The following ZSWIM6 variants were observed in gnomAD, a reference collection of about 807,000 sequenced individuals.
ZSWIM6 encodes the protein zinc finger SWIM-type containing 6.
In ZSWIM6, 9 loss-of-function variants were observed where a neutral mutation model predicts 113.2. The ratio of observed to expected loss-of-function variants is 0.08; its 90% confidence interval spans 0.05 to 0.14. The LOEUF (loss-of-function observed/expected upper bound fraction) is 0.14, where lower values mean the gene tolerates loss of function less well. ZSWIM6 is among the 10% of genes least tolerant of loss of function. The probability of loss-of-function intolerance (pLI) is 1.00; values close to 1 mark genes in which losing one functional copy is unlikely to be tolerated. For synonymous variants in ZSWIM6, 611 were observed against 606.5 expected (o/e 1.01, Z -0.11); for missense variants, 1,162 against 1,552.2 (o/e 0.75, Z 4.22).
At chr5:61,382,925 G>A (rs979065077) in intron 1 of ZSWIM6, among the ~76,000 whole-genome samples, 1 of 152,164 alleles carries the variant, frequency 6.6e-6, no homozygotes, top group Non-Finnish European at 1.5e-5. Flanking sequence ...CAGAATGTCC[G>A]CAAAGTCAGA....
chr5:61,474,278 A>G (rs1334204901), intron 2 of ZSWIM6, among the ~76,000 whole-genome samples: 1 of 152,250 alleles, frequency 6.6e-6, no homozygotes, highest in Non-Finnish European at 1.5e-5. Flanking sequence ...TCTTTCACTC[A>G]GAATCATGTT....
chr5:61,470,141 T>G (rs200730538), intron 1 of ZSWIM6, among the ~76,000 whole-genome samples: 1 of 152,126 alleles, frequency 6.6e-6, no homozygotes, highest in Non-Finnish European at 1.5e-5. Context: ...CTTCAAGGTG[T>G]GGGGATGGGG....
chr5:61,473,835 A>G (rs1747640988), intron 2 of ZSWIM6, among the ~76,000 whole-genome samples: 1 of 152,176 alleles, frequency 6.6e-6, no homozygotes, highest in Non-Finnish European at 1.5e-5. Context: ...ACATTTCTTT[A>G]TTTATATTGA....
intron 4 of ZSWIM6, among the ~76,000 whole-genome samples, chr5:61,514,892 T>C (rs1748889260): frequency 6.6e-6 from 1 of 152,168 alleles, no homozygotes; most frequent in African/African-American, 2.4e-5. Context: ...CCTCATACAG[T>C]GGGAACCCTT....
intron 1 of ZSWIM6, among the ~76,000 whole-genome samples, chr5:61,410,418 T>G (rs1746131125): frequency 6.6e-6 from 1 of 150,684 alleles, no homozygotes; most frequent in Admixed American, 6.6e-5. Context: ...CAGGCGATTC[T>G]CCTGCCTCAG....
chr5:61,418,544 C>T (rs1746298498), intron 1 of ZSWIM6, among the ~76,000 whole-genome samples: 1 of 152,110 alleles, frequency 6.6e-6, no homozygotes, highest in Non-Finnish European at 1.5e-5. Context: ...CAGGTGTGAG[C>T]CACTGTGCCC....
At chr5:61,446,136 C>T (rs1204225357) in intron 1 of ZSWIM6, among the ~76,000 whole-genome samples, 1 of 152,284 alleles carries the variant, frequency 6.6e-6, no homozygotes, top group African/African-American at 2.4e-5. Context: ...AAGTGATTCT[C>T]CTGCCTCAGC....
intron 1 of ZSWIM6, among the ~76,000 whole-genome samples, chr5:61,353,634 T>A (rs773366031): frequency 6.6e-6 from 1 of 152,198 alleles, no homozygotes; most frequent in Non-Finnish European, 1.5e-5. Context: ...TAAGTAGTAA[T>A]GGATGTGTAA....
intron 1 of ZSWIM6, among the ~76,000 whole-genome samples, chr5:61,334,501 T>A (rs77007669): frequency 6.6e-6 from 1 of 152,200 alleles, no homozygotes; most frequent in Non-Finnish European, 1.5e-5. Flanking sequence ...CTTTTATCCT[T>A]CTTTTCTTTG....
At chr5:61,480,639 G>C (rs1365153739) in intron 2 of ZSWIM6, among the ~76,000 whole-genome samples, 1 of 152,180 alleles carries the variant, frequency 6.6e-6, no homozygotes, top group East Asian at 1.9e-4. Context: ...CCTTTGAAAG[G>C]AGACTTTAAT....
chr5:61,348,006 G>C (rs1163060375), intron 1 of ZSWIM6, among the ~76,000 whole-genome samples: 2 of 152,084 alleles, frequency 1.3e-5, no homozygotes, highest in Non-Finnish European at 2.9e-5. Context: ...TGGATCACGA[G>C]GTTAGGAGAT....
In ZSWIM6 at chr5:61,536,071, C is replaced by T. The variant is rs76699284; in HGVS notation, c.2381+452C>T. Among the ~76,000 whole-genome samples, 995 of 152,306 alleles carry T rather than the reference C, an allele frequency of 6.5e-3. 13 individuals carry two copies. The highest frequency in any genetic ancestry group is 0.023 in the African/African-American group (960 of 41,576). ...TGCAGGAAAGCAACTCCCTGTATTG[C>T]CAAGGCACATCTGTATTCACTGGAG... is the stretch of plus-strand genomic sequence containing the variant. On this transcript the variant is annotated intron_variant, in intron 10 of 13. Coordinates refer to ENST00000252744, the MANE Select transcript of ZSWIM6 (RefSeq NM_020928.2).
intron 1 of ZSWIM6, among the ~76,000 whole-genome samples, chr5:61,471,763 C>A (rs1423487184): frequency 6.6e-6 from 1 of 152,168 alleles, no homozygotes; most frequent in African/African-American, 2.4e-5. Context: ...TGAAACCATT[C>A]CCTTCCCCCA....
At chr5:61,477,137 A>G (rs931614127) in intron 2 of ZSWIM6, among the ~76,000 whole-genome samples, 7 of 152,226 alleles carry the variant, frequency 4.6e-5, no homozygotes, top group African/African-American at 1.7e-4. Flanking sequence ...GGCTTTTCGT[A>G]CACTAATCTT....
At chr5:61,518,456 T>G (rs1215025399) in intron 4 of ZSWIM6, among the ~76,000 whole-genome samples, 1 of 151,720 alleles carries the variant, frequency 6.6e-6, no homozygotes, top group Non-Finnish European at 1.5e-5. Flanking sequence ...ACCTGTTGTT[T>G]CCTGACTTTT....
chr5:61,379,380 C>T (rs1270446484), intron 1 of ZSWIM6, among the ~76,000 whole-genome samples: 1 of 151,732 alleles, frequency 6.6e-6, no homozygotes, highest in Non-Finnish European at 1.5e-5. Context: ...TGTTTTATTG[C>T]CTCTCTTTTC....
intron 1 of ZSWIM6, among the ~76,000 whole-genome samples, chr5:61,409,575 C>T (rs1746114683): frequency 6.6e-6 from 1 of 152,200 alleles, no homozygotes; most frequent in African/African-American, 2.4e-5. Context: ...GTTCCCCCTT[C>T]TCCACCATAC....
intron 2 of ZSWIM6, among the ~76,000 whole-genome samples, chr5:61,487,997 G>A (rs999966716): frequency 5.3e-5 from 8 of 151,960 alleles, no homozygotes; most frequent in African/African-American, 1.2e-4. Flanking sequence ...TCAGTATGAC[G>A]TTGGCTGTGG....
At chr5:61,452,126 C>A (rs1187941562) in intron 1 of ZSWIM6, among the ~76,000 whole-genome samples, 1 of 152,068 alleles carries the variant, frequency 6.6e-6, no homozygotes, top group African/African-American at 2.4e-5. Context: ...TTGAGTCAAT[C>A]ATTTTCTTGC....
Sources: gnomAD v4.1 joint callset for allele counts (sites outside exome capture counted in the v4.1 genomes callset) on GRCh38, gnomAD v4.1.1 for gene constraint, MANE v1.5 for transcripts, NCBI Gene and HGNC (gene_info 2026-07-23, HGNC 2026-07-21) for gene names.